AGBL4: variants seen among roughly 807,000 people sequenced by gnomAD.
AGBL4 encodes the protein AGBL carboxypeptidase 4, also known as cytosolic carboxypeptidase 6.
AGBL4 carries 58 observed loss-of-function variants against 66.4 expected under a neutral mutation model. The ratio of observed to expected loss-of-function variants is 0.87; its 90% CI spans 0.71 to 1.09. AGBL4 has a LOEUF of 1.09. AGBL4 is among the 50% of genes least tolerant of loss of function. The pLI, the probability that AGBL4 is intolerant of heterozygous loss-of-function variation, is 0.00. For missense variants in AGBL4, 579 were observed against 631.0 expected (o/e 0.92, Z 0.88); for synonymous variants, 234 against 222.9 (o/e 1.05, Z -0.44).
At chr1:48,673,847 A>G (rs1045291673) in intron 6 of AGBL4, among the ~76,000 whole-genome samples, 1 of 152,228 alleles carries the variant, frequency 6.6e-6, no homozygotes, top group African/African-American at 2.4e-5. Flanking sequence ...CAGGTACTCA[A>G]CAGGGAGATT....
At chr1:48,811,442 T>G (rs1449970864) in intron 6 of AGBL4, among the ~76,000 whole-genome samples, 1 of 152,178 alleles carries the variant, frequency 6.6e-6, no homozygotes, top group Non-Finnish European at 1.5e-5. Flanking sequence ...GCTCAAGCAT[T>G]TACAGTGGCT....
intron 2 of AGBL4, among the ~76,000 whole-genome samples, chr1:49,725,528 G>C (rs1648952937): frequency 6.6e-6 from 1 of 152,026 alleles, no homozygotes; most frequent in Non-Finnish European, 1.5e-5. Context: ...GCTGTGGTTG[G>C]CTCTAGGATG....
chr1:49,593,973 C>A (rs995223975), intron 3 of AGBL4, among the ~76,000 whole-genome samples: 8 of 152,044 alleles, frequency 5.3e-5, no homozygotes, highest in Admixed American at 5.2e-4. Context: ...GAAGTATATA[C>A]AGTCATCCTC....
chr1:49,242,936 C>A (rs1004929848), intron 4 of AGBL4, among the ~76,000 whole-genome samples: 3 of 151,514 alleles, frequency 2.0e-5, no homozygotes, highest in Non-Finnish European at 4.4e-5. Context: ...GGCCTTGGTA[C>A]CTGTTACAGC....
At chr1:48,548,431 G>T (rs1280020673) in intron 11 of AGBL4, among the ~76,000 whole-genome samples, 1 of 152,180 alleles carries the variant, frequency 6.6e-6, no homozygotes, top group Non-Finnish European at 1.5e-5. Context: ...CCAAACTGGG[G>T]ATAATAATCA....
chr1:49,513,123 G>T (rs571645479), intron 3 of AGBL4, among the ~76,000 whole-genome samples: 2 of 152,140 alleles, frequency 1.3e-5, no homozygotes, highest in African/African-American at 4.8e-5. Flanking sequence ...ACTGGAAAAT[G>T]AACCTCTATC....
intron 5 of AGBL4, among the ~76,000 whole-genome samples, chr1:48,933,239 T>C: frequency 6.6e-6 from 1 of 152,226 alleles, no homozygotes; most frequent in Non-Finnish European, 1.5e-5. Flanking sequence ...CACATATATA[T>C]GGTATTTATC....
At chr1:48,968,953 A>C (rs537833407) in intron 5 of AGBL4, among the ~76,000 whole-genome samples, 1 of 152,170 alleles carries the variant, frequency 6.6e-6, no homozygotes, top group Non-Finnish European at 1.5e-5. Flanking sequence ...CCAAAATAAC[A>C]TGTATTTAAC....
At chr1:49,977,661 T>G (rs1214204238) in intron 1 of AGBL4, among the ~76,000 whole-genome samples, 1 of 152,254 alleles carries the variant, frequency 6.6e-6, no homozygotes, top group African/African-American at 2.4e-5. Context: ...ACGTTTTATT[T>G]CACTTCATTT....
chr1:48,541,839 G>C (rs1644076485), intron 11 of AGBL4, among the ~76,000 whole-genome samples: 1 of 152,070 alleles, frequency 6.6e-6, no homozygotes. Flanking sequence ...TACGTGCTAG[G>C]CAATCTTTTT....
intron 3 of AGBL4, among the ~76,000 whole-genome samples, chr1:49,535,118 T>A (rs1164929973): frequency 1.3e-5 from 2 of 152,150 alleles, no homozygotes; most frequent in South Asian, 2.1e-4. Flanking sequence ...CAGTATATTA[T>A]ATGCATCAAA....
chr1:49,914,843 C>T (rs1651227373), intron 1 of AGBL4, among the ~76,000 whole-genome samples: 1 of 151,908 alleles, frequency 6.6e-6, no homozygotes, highest in South Asian at 2.1e-4. Context: ...GAGGGTGATA[C>T]CATGGTGGAA....
intron 3 of AGBL4, among the ~76,000 whole-genome samples, chr1:49,477,089 C>A (rs372578539): frequency 6.6e-6 from 1 of 152,116 alleles, no homozygotes; most frequent in African/African-American, 2.4e-5. Context: ...GTTTTCGACT[C>A]TAGTCCCTGG....
At chr1:49,168,391 T>A (rs1646671917) in intron 4 of AGBL4, among the ~76,000 whole-genome samples, 1 of 152,198 alleles carries the variant, frequency 6.6e-6, no homozygotes, top group Non-Finnish European at 1.5e-5. Flanking sequence ...AACCAAGTTA[T>A]TCACCTCCCC....
chr1:49,362,129 T>C (rs1469094812), intron 3 of AGBL4, among the ~76,000 whole-genome samples: 2 of 152,156 alleles, frequency 1.3e-5, no homozygotes, highest in Non-Finnish European at 2.9e-5. Flanking sequence ...AGTACTATGA[T>C]CTCATATGAA....
intron 4 of AGBL4, among the ~76,000 whole-genome samples, chr1:49,243,058 TAC>T (rs1041726453): frequency 6.6e-6 from 1 of 151,076 alleles, no homozygotes; most frequent in Non-Finnish European, 1.5e-5. Flanking sequence ...TATATATATA[TAC>T]ACACACATAC....
At chr1:49,187,125 C>T (rs1368257187) in intron 4 of AGBL4, 1 of 152,070 alleles carries the variant, frequency 6.6e-6, no homozygotes, top group Admixed American at 6.6e-5. Context: ...CTAAAGCACC[C>T]TTTTTTTGTT....
intron 3 of AGBL4, among the ~76,000 whole-genome samples, chr1:49,507,295 CT>C (rs778666814): frequency 3.9e-5 from 6 of 151,922 alleles, no homozygotes; most frequent in Non-Finnish European, 8.8e-5. Flanking sequence ...CCAGTCCTGG[CT>C]ATATCTGAGA....
intron 4 of AGBL4, among the ~76,000 whole-genome samples, chr1:49,078,483 GT>G (rs1644750904): frequency 6.6e-6 from 1 of 152,070 alleles, no homozygotes; most frequent in African/African-American, 2.4e-5. Flanking sequence ...TAGAAACCTA[GT>G]AGTCATCCTT....
Sources: allele counts gnomAD v4.1 joint callset (sites outside exome capture counted in the v4.1 genomes callset), GRCh38; gene constraint gnomAD v4.1.1; transcripts MANE v1.5; gene names NCBI Gene and HGNC (gene_info 2026-07-23, HGNC 2026-07-21).